The following OPN3 variants were observed in gnomAD, a reference collection of about 807,000 sequenced individuals.
The protein encoded by OPN3 is opsin-3.
OPN3 carries 29 observed loss-of-function variants against 33.8 expected under a neutral mutation model. That is an observed-to-expected ratio of 0.86 (90% CI 0.64 to 1.17). The LOEUF (loss-of-function observed/expected upper bound fraction) is 1.17, where lower values mean the gene tolerates loss of function less well. Ranked by LOEUF, OPN3 falls within the 50% of genes most tolerant of loss-of-function variation. OPN3 has a pLI of 0.00. For missense variants in OPN3, 437 were observed against 514.1 expected, an observed-to-expected ratio of 0.85 and a Z score of 1.45; for synonymous variants, 216 against 216.1, an observed-to-expected ratio of 1.00 and a Z score of 0.00.
chr1:241,618,327 T>C (rs1454030330), intron 1 of OPN3, among the ~76,000 whole-genome samples: 1 of 152,222 alleles, frequency 6.6e-6, no homozygotes, highest in African/African-American at 2.4e-5. Flanking sequence ...AAAATGCTGA[T>C]TCCTAGGCTC....
chr1:241,630,714 T>C (rs1228107920), intron 1 of OPN3: 2 of 152,128 alleles, frequency 1.3e-5, no homozygotes, highest in South Asian at 2.1e-4. Context: ...TGGTAGTTCT[T>C]GGTTTAAGTA....
rs78221930 is a variant in OPN3 at position 241,607,114 on chromosome 1, G to A, written c.374-2535C>T. 6.3e-3 allele frequency among the ~76,000 whole-genome samples: 955 copies of A among 152,216 alleles called. 6 individuals are homozygous for A. Among genetic ancestry groups the A allele is most frequent in the African/African-American group, 0.021 (888 of 41,534 alleles). ...ATTATTCCCAGTGTCTCACACACAT[G>A]GCATCCAATAAATGTTCTTTGAATT... On this transcript the variant is annotated intron_variant, in intron 1 of 3. Coordinates refer to ENST00000366554, the MANE Select transcript of OPN3 (RefSeq NM_014322.3).
At chr1:241,633,998 A>G (rs1664760604) in intron 1 of OPN3, 1 of 1,613,848 alleles carries the variant, frequency 6.2e-7, no homozygotes, top group African/African-American at 1.3e-5. Flanking sequence ...AGCTTGCTTG[A>G]CAGCATGCTC....
At chr1:241,617,167 G>A (rs375822001) in intron 1 of OPN3, among the ~76,000 whole-genome samples, 4 of 152,176 alleles carry the variant, frequency 2.6e-5, no homozygotes, top group African/African-American at 7.2e-5. Flanking sequence ...GCTGATATCC[G>A]TGACTAGCCT....
intron 1 of OPN3, among the ~76,000 whole-genome samples, chr1:241,612,754 C>T (rs533549269): frequency 1.4e-3 from 216 of 152,330 alleles, no homozygotes; most frequent in African/African-American, 4.9e-3. Context: ...AAACTACTGA[C>T]ATCAGCTTGC....
chr1:241,606,959 C>T (rs535558269), intron 1 of OPN3, among the ~76,000 whole-genome samples: 10 of 152,198 alleles, frequency 6.6e-5, no homozygotes, highest in East Asian at 1.9e-4. Flanking sequence ...TAACATTTCA[C>T]GATTCTGCAA....
Position 241,639,987 on chromosome 1 carries a change from C to T in OPN3, c.268G>A (p.Val90Met). 1 of 1,612,724 alleles carries T rather than the reference C, an allele frequency of 6.2e-7. No homozygotes were observed. The highest frequency in any genetic ancestry group is 8.5e-7 in the Non-Finnish European group (1 of 1,179,472). ...GTAAAGGTGACCCCGAAGAGGGACACCAGCAGGTCGCTGAGGCTGATGTTG... is the reference window on the plus strand; with the variant it reads ...GTAAAGGTGACCCCGAAGAGGGACATCAGCAGGTCGCTGAGGCTGATGTTG... ...LVNISLSDLL[V>M]SLFGVTFTFV... The change falls in exon 1 of 4, where the codon GTG becomes ATG. Residue 90 changes from valine to methionine, a missense_variant. Transcript: ENST00000366554.
chr1:241,611,363 A>G (rs1380276835), intron 1 of OPN3, among the ~76,000 whole-genome samples: 1 of 152,110 alleles, frequency 6.6e-6, no homozygotes, highest in Non-Finnish European at 1.5e-5. Flanking sequence ...GGAGCACATA[A>G]TCCAGAGAAG....
intron 1 of OPN3, chr1:241,631,863 T>G (rs1664647723): frequency 1.3e-5 from 2 of 152,122 alleles, no homozygotes. Context: ...CTCTTTCTCC[T>G]GCAGCGCCTA....
intron 1 of OPN3, among the ~76,000 whole-genome samples, chr1:241,619,321 A>C (rs1415197784): frequency 6.6e-6 from 1 of 152,222 alleles, no homozygotes; most frequent in Non-Finnish European, 1.5e-5. Flanking sequence ...AATACTATGC[A>C]CAAGGCTCCC....
chr1:241,617,936 C>A (rs942407779), intron 1 of OPN3, among the ~76,000 whole-genome samples: 1 of 151,476 alleles, frequency 6.6e-6, no homozygotes, highest in Non-Finnish European at 1.5e-5. Context: ...TCTGGACAGG[C>A]AAGAAAAATC....
intron 1 of OPN3, among the ~76,000 whole-genome samples, chr1:241,622,788 T>C (rs1428743483): frequency 1.3e-5 from 2 of 152,178 alleles, no homozygotes; most frequent in Non-Finnish European, 2.9e-5. Flanking sequence ...ATACCGCATG[T>C]TTTTTCCCTT....
At chr1:241,629,919 T>G (rs972289472) in intron 1 of OPN3, 2 of 152,022 alleles carry the variant, frequency 1.3e-5, no homozygotes, top group Admixed American at 6.5e-5. Flanking sequence ...GGCTCCCATT[T>G]TTTCCCCCTA....
intron 1 of OPN3, among the ~76,000 whole-genome samples, chr1:241,627,968 C>A (rs980214906): frequency 5.9e-5 from 9 of 152,242 alleles, no homozygotes; most frequent in Middle Eastern, 3.4e-3. Context: ...AGACCCAATC[C>A]CCTAGAGCTC....
intron 2 of OPN3, chr1:241,600,369 T>C (rs1328675233): frequency 1.3e-5 from 2 of 152,226 alleles, no homozygotes; most frequent in Non-Finnish European, 2.9e-5. Flanking sequence ...AAACTCGATT[T>C]CATGTCTTAC....
chr1:241,624,898 T>G (rs929742882), intron 1 of OPN3, among the ~76,000 whole-genome samples: 2 of 152,194 alleles, frequency 1.3e-5, no homozygotes, highest in African/African-American at 4.8e-5. Context: ...CTCTTTGTCT[T>G]CACATTGTCT....
chr1:241,634,618 T>C lies in OPN3; in HGVS notation c.373+5264A>G, dbSNP rs757350990. Reference sequence around the variant, plus strand: ...TCCTACAGAAACCCTGGGGAATTTCTCCTTGGCCATACAAGGGAAATAAAA... The same window carrying C: ...TCCTACAGAAACCCTGGGGAATTTCCCCTTGGCCATACAAGGGAAATAAAA... On this transcript the variant is annotated intron_variant, in intron 1 of 3. Coordinates refer to ENST00000366554, the MANE Select transcript of OPN3 (RefSeq NM_014322.3). The C allele has an allele frequency of 2.5e-6, 4 of 1,613,942 alleles. No individual in the cohort carries two copies. The South Asian group carries it at 4.4e-5, about 18-fold the overall frequency.
chr1:241,637,495 C>A (rs1664943030), intron 1 of OPN3, among the ~76,000 whole-genome samples: 1 of 152,210 alleles, frequency 6.6e-6, no homozygotes, highest in Admixed American at 6.5e-5. Context: ...CTTCTTCCAG[C>A]AGGGTGTGAA....
At chr1:241,595,588 A>C (rs946928641) in intron 3 of OPN3, 1 of 152,244 alleles carries the variant, frequency 6.6e-6, no homozygotes, top group Non-Finnish European at 1.5e-5. Context: ...TAAATGTTGA[A>C]TATATGGACT....
Sources: allele counts gnomAD v4.1 joint callset (sites outside exome capture counted in the v4.1 genomes callset), GRCh38; gene constraint gnomAD v4.1.1; transcripts MANE v1.5; gene names NCBI Gene and HGNC (gene_info 2026-07-23, HGNC 2026-07-21).